Variants in PCGF5 observed in about 807,000 individuals in gnomAD.
PCGF5 encodes polycomb group ring finger 5.
PCGF5 carries 9 observed loss-of-function variants against 44.3 expected under a neutral mutation model. That is an observed-to-expected ratio of 0.20 (90% confidence interval 0.12 to 0.35). The LOEUF (loss-of-function observed/expected upper bound fraction) is 0.35. Among genes scored for constraint, PCGF5 ranks in the 10% least tolerant of loss-of-function variants. The pLI, the probability that PCGF5 is intolerant of heterozygous loss-of-function variation, is 1.00. For synonymous variants in PCGF5, 95 were observed against 102.5 expected, an observed-to-expected ratio of 0.93 and a Z score of 0.44; for missense variants, 146 against 305.3, an observed-to-expected ratio of 0.48 and a Z score of 3.89.
intron 1 of PCGF5, among the ~76,000 whole-genome samples, chr10:91,198,084 C>A (rs148583700): frequency 1.5e-3 from 223 of 152,314 alleles, no homozygotes; most frequent in African/African-American, 5.2e-3. Context: ...TTTTACTTTT[C>A]AGGCAATGAG....
rs116100773 is a variant in PCGF5 at position 91,243,420 on chromosome 10, A to T, written c.209+2840A>T. ...ATTTAGGCTCCTTCATTAGAAGCCT[A>T]AATTGCCTGTGACACATGTAGCAAA... is the stretch of plus-strand genomic sequence containing the variant. On this transcript the variant is annotated intron_variant, in intron 3 of 9. Coordinates refer to ENST00000336126, the MANE Select transcript of PCGF5 (RefSeq NM_032373.5). Among the ~76,000 whole-genome samples, 1,172 of 152,338 alleles carry T rather than the reference A, an allele frequency of 7.7e-3. 13 individuals are homozygous for T. The highest frequency in any genetic ancestry group is 0.027 in the African/African-American group (1,109 of 41,562).
At chr10:91,247,696 T>C (rs1258798791) in intron 3 of PCGF5, among the ~76,000 whole-genome samples, 1 of 152,082 alleles carries the variant, frequency 6.6e-6, no homozygotes, top group Admixed American at 6.6e-5. Context: ...GATAAACATT[T>C]AAAGTTTTCA....
At chr10:91,254,273 A>G (rs561196578) in intron 6 of PCGF5, among the ~76,000 whole-genome samples, 15 of 151,892 alleles carry the variant, frequency 9.9e-5, no homozygotes, top group African/African-American at 3.4e-4. Flanking sequence ...TCTAGATTAT[A>G]TAAAAGCTTG....
chr10:91,227,528 C>T, intron 2 of PCGF5: 1 of 1,224,100 alleles, frequency 8.2e-7, no homozygotes, highest in Non-Finnish European at 1.0e-6. Context: ...CTTCTCAAAT[C>T]TGTCCCTTTA....
At chr10:91,203,090 A>G (rs1177824610) in intron 1 of PCGF5, among the ~76,000 whole-genome samples, 1 of 152,212 alleles carries the variant, frequency 6.6e-6, no homozygotes, top group South Asian at 2.1e-4. Flanking sequence ...GGAAGTGTTC[A>G]GCCACAATCT....
intron 8 of PCGF5, among the ~76,000 whole-genome samples, chr10:91,270,269 AG>A (rs1846147916): frequency 6.6e-6 from 1 of 152,166 alleles, no homozygotes; most frequent in Admixed American, 6.6e-5. Flanking sequence ...CTGCCAGTCC[AG>A]CACCTAAAGT....
intron 1 of PCGF5, among the ~76,000 whole-genome samples, chr10:91,164,620 A>G (rs1483887902): frequency 1.3e-5 from 2 of 152,228 alleles, no homozygotes; most frequent in Non-Finnish European, 2.9e-5. Context: ...CCAGATCCTA[A>G]AAGGAACCTC....
intron 6 of PCGF5, among the ~76,000 whole-genome samples, chr10:91,259,677 C>CT (rs1334244095): frequency 2.0e-5 from 3 of 152,140 alleles, no homozygotes; most frequent in Non-Finnish European, 2.9e-5. Context: ...ATATCTACAA[C>CT]TATCTGATCT....
intron 9 of PCGF5, 53 bp from the exon 10 acceptor site, chr10:91,278,216 G>C: frequency 1.4e-6 from 2 of 1,403,438 alleles, no homozygotes; most frequent in Non-Finnish European, 2.0e-6. Context: ...TATATAAACT[G>C]TATTGTTTTT....
chr10:91,241,546 T>C (rs1845327581), intron 3 of PCGF5, among the ~76,000 whole-genome samples: 1 of 152,134 alleles, frequency 6.6e-6, no homozygotes, highest in African/African-American at 2.4e-5. Context: ...TTTCATTTCA[T>C]TGTTCCCACC....
At chr10:91,174,437 G>T (rs1471912655) in intron 1 of PCGF5, among the ~76,000 whole-genome samples, 2 of 152,130 alleles carry the variant, frequency 1.3e-5, no homozygotes, top group African/African-American at 4.8e-5. Flanking sequence ...AACCCAGGAG[G>T]TGGAGATTGT....
At chr10:91,172,384 A>G (rs1477963487) in intron 1 of PCGF5, among the ~76,000 whole-genome samples, 2 of 151,578 alleles carry the variant, frequency 1.3e-5, no homozygotes, top group Non-Finnish European at 2.9e-5. Context: ...GTGCCACTGC[A>G]CTCCAGCCTG....
intron 1 of PCGF5, among the ~76,000 whole-genome samples, chr10:91,204,928 A>G (rs954660098): frequency 1.3e-5 from 2 of 152,220 alleles, no homozygotes; most frequent in Non-Finnish European, 2.9e-5. Flanking sequence ...AATACCAGAA[A>G]TAATGTTTCT....
intron 1 of PCGF5, among the ~76,000 whole-genome samples, chr10:91,178,432 C>G (rs1843754098): frequency 6.6e-6 from 1 of 150,838 alleles, no homozygotes. Context: ...CTCTGTTGCC[C>G]AGGCTGGAGT....
At chr10:91,212,220 G>T (rs1190935599) in intron 1 of PCGF5, among the ~76,000 whole-genome samples, 3 of 152,204 alleles carry the variant, frequency 2.0e-5, no homozygotes, top group Non-Finnish European at 4.4e-5. Context: ...GCTTGAGAAA[G>T]CTTTGTAGAG....
intron 7 of PCGF5, 38 bp from the exon 8 acceptor site, chr10:91,264,393 A>C: frequency 1.4e-6 from 2 of 1,452,292 alleles, no homozygotes; most frequent in Non-Finnish European, 1.9e-6. Flanking sequence ...TTTGAATTCA[A>C]CATTATGTTA....
At chr10:91,172,292 G>A (rs1477547666) in intron 1 of PCGF5, among the ~76,000 whole-genome samples, 1 of 152,164 alleles carries the variant, frequency 6.6e-6, no homozygotes, top group Non-Finnish European at 1.5e-5. Context: ...GGTGGCATGT[G>A]CCTGTAATCT....
At chr10:91,212,699 T>C (rs1273180977) in intron 1 of PCGF5, among the ~76,000 whole-genome samples, 3 of 152,334 alleles carry the variant, frequency 2.0e-5, no homozygotes, top group Admixed American at 2.0e-4. Flanking sequence ...GTGTTCACAC[T>C]TTGGGTAGGT....
rs535274344 is a variant in PCGF5, at chr10:91,277,560, T to C, written c.724-709T>C. ...CTGTTTCCTCTCTAGTTCTGTATGATAGCCAGATATATGATACCTTTTCTA... is the reference window on the plus strand; with the variant it reads ...CTGTTTCCTCTCTAGTTCTGTATGACAGCCAGATATATGATACCTTTTCTA... On this transcript the variant is annotated intron_variant, in intron 9 of 9. Transcript: ENST00000336126. Among the ~76,000 whole-genome samples, 241 of 152,346 alleles carry C rather than the reference T, an allele frequency of 1.6e-3. 1 individual carries two copies. Among genetic ancestry groups the C allele is most frequent in the African/African-American group, 5.7e-3 (236 of 41,580 alleles).
Sources: gnomAD v4.1 joint callset for allele counts (sites outside exome capture counted in the v4.1 genomes callset) on GRCh38, gnomAD v4.1.1 for gene constraint, MANE v1.5 for transcripts, NCBI Gene and HGNC (gene_info 2026-07-23, HGNC 2026-07-21) for gene names.